The following GRIP1 variants were observed in gnomAD, a reference collection of about 807,000 sequenced individuals.
The protein encoded by GRIP1 is glutamate receptor interacting protein 1, also known as glutamate receptor-interacting protein 1.
In GRIP1, 45 loss-of-function variants were observed where a neutral mutation model predicts 129.9. That is an observed-to-expected ratio of 0.35 (90% CI 0.27 to 0.44). GRIP1 has a LOEUF of 0.44. GRIP1 is among the 20% of genes least tolerant of loss of function. The pLI, the probability that GRIP1 is intolerant of heterozygous loss-of-function variation, is 1.00. For synonymous variants in GRIP1, 530 were observed against 520.8 expected (o/e 1.02, Z -0.24); for missense variants, 1,196 against 1,396.8 (o/e 0.86, Z 2.29).
chr12:66,724,618 G>A (rs1242921642), intron 1 of GRIP1, among the ~76,000 whole-genome samples: 28 of 152,200 alleles, frequency 1.8e-4, no homozygotes, highest in Non-Finnish European at 5.9e-5. Context: ...TCATCTTATG[G>A]CCTTCATCTG....
intron 7 of GRIP1, among the ~76,000 whole-genome samples, chr12:66,484,619 A>T (rs572338605): frequency 5.3e-5 from 8 of 152,296 alleles, no homozygotes; most frequent in African/African-American, 1.9e-4. Context: ...TGTGGGAGCT[A>T]AAAAAGTTGA....
At chr12:66,891,414 G>A (rs1389409621) in intron 1 of GRIP1, among the ~76,000 whole-genome samples, 1 of 152,186 alleles carries the variant, frequency 6.6e-6, no homozygotes, top group Non-Finnish European at 1.5e-5. Context: ...CTTTCAGAAG[G>A]ATGGGACAGT....
At chr12:66,447,739 C>T (rs1169229110) in intron 11 of GRIP1, among the ~76,000 whole-genome samples, 2 of 152,086 alleles carry the variant, frequency 1.3e-5, no homozygotes, top group Admixed American at 6.6e-5. Context: ...TTTCTGCTCA[C>T]TCCCCCAGCT....
At chr12:67,012,002 T>C (rs1236212943) in intron 1 of GRIP1, among the ~76,000 whole-genome samples, 3 of 152,148 alleles carry the variant, frequency 2.0e-5, no homozygotes, top group African/African-American at 7.2e-5. Context: ...TACTAGACTC[T>C]AAGCTGCAGG....
chr12:67,022,760 T>A (rs1465903308), intron 1 of GRIP1, among the ~76,000 whole-genome samples: 1 of 152,188 alleles, frequency 6.6e-6, no homozygotes, highest in Non-Finnish European at 1.5e-5. Context: ...GTTTGTTACA[T>A]GGGTATACCA....
chr12:66,910,760 A>G (rs1204346957), intron 1 of GRIP1, among the ~76,000 whole-genome samples: 2 of 152,216 alleles, frequency 1.3e-5, no homozygotes, highest in East Asian at 3.8e-4. Context: ...TTGACTTTGT[A>G]GACCAGTGAT....
chr12:66,578,972 C>A (rs925104545), intron 2 of GRIP1, among the ~76,000 whole-genome samples: 5 of 152,170 alleles, frequency 3.3e-5, no homozygotes, highest in Non-Finnish European at 4.4e-5. Flanking sequence ...GGGTCCCTGA[C>A]CCCTGACCCC....
chr12:66,698,882 G>A (rs2035254806), intron 1 of GRIP1, among the ~76,000 whole-genome samples: 2 of 152,178 alleles, frequency 1.3e-5, no homozygotes, highest in African/African-American at 4.8e-5. Context: ...CTGTATGATT[G>A]TGGGCAAACT....
chr12:66,817,202 G>GCGCACA (rs1453307121), intron 1 of GRIP1, among the ~76,000 whole-genome samples: 42 of 136,224 alleles, frequency 3.1e-4, no homozygotes, highest in African/African-American at 9.7e-4. Flanking sequence ...TTTTCAGTAT[G>GCGCACA]CACACACACA....
intron 1 of GRIP1, among the ~76,000 whole-genome samples, chr12:66,793,530 T>C (rs932981214): frequency 2.0e-5 from 3 of 152,192 alleles, no homozygotes; most frequent in Non-Finnish European, 4.4e-5. Flanking sequence ...TACAAAATAA[T>C]TGAATGAACG....
At chr12:66,937,769 C>T (rs1026106602) in intron 1 of GRIP1, among the ~76,000 whole-genome samples, 1 of 151,978 alleles carries the variant, frequency 6.6e-6, no homozygotes, top group Non-Finnish European at 1.5e-5. Context: ...AAGATGATAG[C>T]AGAGAAAGGG....
intron 1 of GRIP1, among the ~76,000 whole-genome samples, chr12:66,975,173 C>A (rs969076393): frequency 1.3e-5 from 2 of 152,178 alleles, no homozygotes; most frequent in Admixed American, 6.5e-5. Context: ...CCATCTCACC[C>A]TGCAAGGTCA....
At chr12:66,525,481 C>T (rs2061196495) in intron 5 of GRIP1, among the ~76,000 whole-genome samples, 1 of 151,934 alleles carries the variant, frequency 6.6e-6, no homozygotes, top group African/African-American at 2.4e-5. Flanking sequence ...AATTCAACAA[C>T]ACTTCATGCT....
intron 5 of GRIP1, among the ~76,000 whole-genome samples, chr12:66,528,500 T>A (rs1284712849): frequency 2.0e-5 from 3 of 152,136 alleles, no homozygotes; most frequent in African/African-American, 7.2e-5. Context: ...TGCCATACTA[T>A]AATATGATGA....
At chr12:66,737,097 G>T (rs1233391197) in intron 1 of GRIP1, among the ~76,000 whole-genome samples, 3 of 152,074 alleles carry the variant, frequency 2.0e-5, no homozygotes, top group Non-Finnish European at 4.4e-5. Flanking sequence ...AATAAATTAT[G>T]GGGCTAAACA....
intron 1 of GRIP1, among the ~76,000 whole-genome samples, chr12:66,630,813 A>AT (rs2030691529): frequency 1.3e-5 from 2 of 152,360 alleles, no homozygotes; most frequent in South Asian, 4.2e-4. Flanking sequence ...GTCTATTCTT[A>AT]GGATTTTACT....
At chr12:66,690,360 C>T (rs2034936582) in intron 1 of GRIP1, among the ~76,000 whole-genome samples, 1 of 146,180 alleles carries the variant, frequency 6.8e-6, no homozygotes, top group South Asian at 2.1e-4. Context: ...CTTTTCATTG[C>T]TCAATAATAT....
At chr12:66,938,647 G>C (rs2041527560) in intron 1 of GRIP1, among the ~76,000 whole-genome samples, 1 of 151,980 alleles carries the variant, frequency 6.6e-6, no homozygotes, top group African/African-American at 2.4e-5. Flanking sequence ...TGCCAGAGAA[G>C]CAGTATCTTC....
intron 1 of GRIP1, among the ~76,000 whole-genome samples, chr12:66,646,763 T>G (rs6581709): frequency 0.26 from 39,877 of 152,014 alleles, 5,690 homozygotes; most frequent in Non-Finnish European, 0.33. Context: ...AAATTCAAGA[T>G]GAAAGCAACA....
Sources: allele counts gnomAD v4.1 joint callset (sites outside exome capture counted in the v4.1 genomes callset), GRCh38; gene constraint gnomAD v4.1.1; transcripts MANE v1.5; gene names NCBI Gene and HGNC (gene_info 2026-07-23, HGNC 2026-07-21).